Variants in MICU3 observed in about 807,000 individuals in gnomAD.
MICU3 encodes the protein calcium uptake protein 3, mitochondrial.
In MICU3, 62 loss-of-function variants were observed where a neutral mutation model predicts 66.5. That is an observed-to-expected ratio of 0.93 (90% CI 0.76 to 1.15). The LOEUF (loss-of-function observed/expected upper bound fraction) is 1.15, where lower values mean the gene tolerates loss of function less well. Among genes scored for constraint, MICU3 ranks in the 50% most tolerant of loss-of-function variants. The pLI, the probability that MICU3 is intolerant of heterozygous loss-of-function variation, is 0.00. For missense variants in MICU3, 779 were observed against 664.4 expected (o/e 1.17, Z -1.90); for synonymous variants, 308 against 240.7 (o/e 1.28, Z -2.59).
At chr8:17,088,044 A>G (rs576120643) in intron 7 of MICU3, among the ~76,000 whole-genome samples, 2 of 152,140 alleles carry the variant, frequency 1.3e-5, no homozygotes, top group South Asian at 2.1e-4. Context: ...GTTTTTCTTA[A>G]CATAGATTAT....
chr8:17,036,248 G>A (rs532266998), intron 1 of MICU3, among the ~76,000 whole-genome samples: 5 of 152,080 alleles, frequency 3.3e-5, no homozygotes, highest in African/African-American at 1.2e-4. Flanking sequence ...CGGTGGGCTC[G>A]TGGTCTTGCT....
At chr8:17,088,694 T>G (rs904343001) in intron 7 of MICU3, among the ~76,000 whole-genome samples, 1 of 151,906 alleles carries the variant, frequency 6.6e-6, no homozygotes, top group African/African-American at 2.4e-5. Context: ...AAAAATACAG[T>G]ATTATTCTGG....
chr8:17,066,072 C>CT (rs202172944), intron 2 of MICU3, among the ~76,000 whole-genome samples: 33 of 145,226 alleles, frequency 2.3e-4, no homozygotes, highest in East Asian at 4.0e-4. Context: ...AAGTAGAGTT[C>CT]TTTTTTTTTT....
At chr8:17,036,230 A>T (rs1391838537) in intron 1 of MICU3, among the ~76,000 whole-genome samples, 2 of 151,948 alleles carry the variant, frequency 1.3e-5, no homozygotes. Flanking sequence ...GGAGTTGTTC[A>T]TTCCTGCCGG....
intron 1 of MICU3, among the ~76,000 whole-genome samples, chr8:17,063,039 A>C (rs988385625): frequency 2.0e-5 from 3 of 152,190 alleles, no homozygotes; most frequent in African/African-American, 7.2e-5. Flanking sequence ...TTTTCTATGG[A>C]ATATTATACA....
At chr8:17,071,962 G>T (rs1158780853) in intron 3 of MICU3, among the ~76,000 whole-genome samples, 1 of 152,050 alleles carries the variant, frequency 6.6e-6, no homozygotes, top group Non-Finnish European at 1.5e-5. Context: ...TTATGATAAT[G>T]ATCCTCCAAA....
At chr8:17,099,926 C>T (rs1339568125) in intron 9 of MICU3, among the ~76,000 whole-genome samples, 2 of 151,760 alleles carry the variant, frequency 1.3e-5, no homozygotes, top group East Asian at 3.9e-4. Flanking sequence ...ATCTGCTAAT[C>T]AGATGTTGAA....
intron 2 of MICU3, among the ~76,000 whole-genome samples, chr8:17,064,462 TCTTA>T (rs1321591329): frequency 2.6e-5 from 4 of 152,286 alleles, no homozygotes; most frequent in Non-Finnish European, 5.9e-5. Flanking sequence ...CTTAACACCA[TCTTA>T]CTTTTGATAC....
the MICU3 span, among the ~76,000 whole-genome samples, chr8:17,135,362 C>T: frequency 2.0e-5 from 3 of 151,338 alleles, no homozygotes; most frequent in Non-Finnish European, 4.4e-5. Context: ...TGCGCCACTG[C>T]ACTCCAGCCT....
chr8:17,090,622 C>A lies in MICU3; in HGVS notation c.888+38C>A, dbSNP rs764948767. 4.8e-6 allele frequency: 7 copies of A among 1,444,584 alleles called. No homozygotes were observed. The Admixed American group carries it at 7.9e-5, about 16-fold the overall frequency. 89.5% of individuals were successfully genotyped at this position (1,444,584 alleles called of 1,614,324 possible). On this transcript the variant is annotated intron_variant, in intron 8 of 14. Transcript: ENST00000318063. ...CTTTAAATGTTCTTTATGTATATAG[C>A]CCTCACCTGTTATACTTGATAATGT...
At chr8:17,117,916 T>C (rs1225635605) in intron 13 of MICU3, among the ~76,000 whole-genome samples, 1 of 152,212 alleles carries the variant, frequency 6.6e-6, no homozygotes, top group Non-Finnish European at 1.5e-5. Flanking sequence ...GCCAGTATTA[T>C]ACATTTTAAA....
At chr8:17,104,000 A>G (rs912447616) in intron 9 of MICU3, among the ~76,000 whole-genome samples, 1 of 151,902 alleles carries the variant, frequency 6.6e-6, no homozygotes, top group Non-Finnish European at 1.5e-5. Flanking sequence ...ATTTAAAAAA[A>G]CAGATTTTTC....
intron 1 of MICU3, among the ~76,000 whole-genome samples, chr8:17,049,034 T>TA (rs1388521381): frequency 2.6e-5 from 4 of 152,224 alleles, no homozygotes; most frequent in Non-Finnish European, 4.4e-5. Flanking sequence ...ATGGATAACT[T>TA]ACTCCATTTC....
intron 3 of MICU3, among the ~76,000 whole-genome samples, chr8:17,076,720 A>G (rs1156441312): frequency 1.3e-5 from 2 of 152,180 alleles, no homozygotes; most frequent in Admixed American, 1.3e-4. Flanking sequence ...ATGCCTTCCA[A>G]ACTTCAATGT....
chr8:17,027,305 G>A lies in MICU3; in HGVS notation c.26G>A (p.Trp9Ter). The A allele has an allele frequency of 6.6e-7, 1 of 1,523,426 alleles. No individual in the cohort carries two copies. Among genetic ancestry groups the A allele is most frequent in the Non-Finnish European group, 8.7e-7 (1 of 1,146,324 alleles). 94.4% of individuals were successfully genotyped at this position (1,523,426 alleles called of 1,614,324 possible). MAALRRLLWPPPRVSPPLC... is the reference protein window; with the variant it reads MAALRRLL The stretch of plus-strand genomic sequence containing the variant: ...ATGGCTGCGCTGCGAAGGCTCTTGT[G>A]GCCGCCACCCCGGGTGTCTCCTCCA... The change falls in exon 1 of 15, where the codon TGG (tryptophan) becomes TAG (stop). Residue 9 changes from tryptophan to a stop codon, truncating the protein, a stop_gained. Coordinates refer to ENST00000318063, the MANE Select transcript of MICU3 (RefSeq NM_181723.3). LOFTEE classifies it high-confidence loss of function.
intron 4 of MICU3, among the ~76,000 whole-genome samples, chr8:17,081,328 T>A (rs1268380778): frequency 6.6e-6 from 1 of 152,248 alleles, no homozygotes; most frequent in South Asian, 2.1e-4. Flanking sequence ...TCCAACCTTT[T>A]TATTTTTACT....
chr8:17,044,961 T>C (rs1814808561), intron 1 of MICU3, among the ~76,000 whole-genome samples: 1 of 152,062 alleles, frequency 6.6e-6, no homozygotes, highest in Non-Finnish European at 1.5e-5. Context: ...TGGCCAAAAC[T>C]TGGTCAAGTG....
downstream of MICU3, among the ~76,000 whole-genome samples, chr8:17,126,213 C>T (rs897227441): frequency 6.6e-6 from 1 of 152,014 alleles, no homozygotes; most frequent in African/African-American, 2.4e-5. Context: ...GTACCTGAAT[C>T]CTTCACTTAA....
chr8:17,032,234 G>T (rs1443033971), intron 1 of MICU3, among the ~76,000 whole-genome samples: 2 of 152,054 alleles, frequency 1.3e-5, no homozygotes, highest in Non-Finnish European at 2.9e-5. Flanking sequence ...TGCAAGTTTG[G>T]GTTGCCAAAA....
Sources: gnomAD v4.1 joint callset for allele counts (sites outside exome capture counted in the v4.1 genomes callset) on GRCh38, gnomAD v4.1.1 for gene constraint, MANE v1.5 for transcripts, NCBI Gene and HGNC (gene_info 2026-07-23, HGNC 2026-07-21) for gene names.